The following RANBP2 variants were observed in gnomAD, a reference collection of about 807,000 sequenced individuals.
RANBP2 encodes RAN binding protein 2, also known as E3 SUMO-protein ligase RanBP2.
In RANBP2, 57 loss-of-function variants were observed where a neutral mutation model predicts 303.6. That is an observed-to-expected ratio of 0.19 (90% CI 0.15 to 0.23). The LOEUF is 0.23. Among genes scored for constraint, RANBP2 ranks in the 10% least tolerant of loss-of-function variants. The pLI, the probability that RANBP2 is intolerant of heterozygous loss-of-function variation, is 1.00. For missense variants in RANBP2, 3,138 were observed against 3,780.8 expected (o/e 0.83, Z 4.46); for synonymous variants, 1,167 against 1,301.5 (o/e 0.90, Z 2.23).
chr2:109,076,618 AAAAGG>A, the RANBP2 span, among the ~76,000 whole-genome samples: 1 of 150,518 alleles, frequency 6.6e-6, no homozygotes, highest in Non-Finnish European at 1.5e-5. Flanking sequence ...GAAATATCTA[AAAAGG>A]AAATCAAGGA....
At chr2:108,796,295 C>T in the RANBP2 span, among the ~76,000 whole-genome samples, 1 of 151,758 alleles carries the variant, frequency 6.6e-6, no homozygotes, top group South Asian at 2.1e-4. Context: ...ACCTCGTGAT[C>T]CGCCCGCCTC....
At chr2:108,847,390 CTGTA>C in the RANBP2 span, among the ~76,000 whole-genome samples, 1 of 152,206 alleles carries the variant, frequency 6.6e-6, no homozygotes, top group African/African-American at 2.4e-5. Context: ...GCAGCAGAGA[CTGTA>C]TGGCCCCCCA....
the RANBP2 span, among the ~76,000 whole-genome samples, chr2:109,540,751 T>C: frequency 5.8e-5 from 8 of 137,684 alleles, no homozygotes; most frequent in Admixed American, 3.3e-4. Context: ...CAGTGAGCTA[T>C]AACTGTGCCA....
the RANBP2 span, among the ~76,000 whole-genome samples, chr2:109,084,446 G>T: frequency 0.2 from 30,882 of 152,218 alleles, 3,930 homozygotes; most frequent in Middle Eastern, 0.3. Flanking sequence ...AGCACTGGAT[G>T]ATACTGGAGT....
At chr2:109,472,593 T>A in the RANBP2 span, among the ~76,000 whole-genome samples, 7 of 152,158 alleles carry the variant, frequency 4.6e-5, no homozygotes, top group Non-Finnish European at 1.0e-4. Context: ...ATGAAGTGAT[T>A]TCCATCCATC....
the RANBP2 span, among the ~76,000 whole-genome samples, chr2:109,458,635 A>C: frequency 1.7e-4 from 22 of 128,106 alleles, no homozygotes; most frequent in East Asian, 4.7e-3. Context: ...GTGACTGTGG[A>C]GGCTGGCAAG....
At chr2:109,402,538 T>G in the RANBP2 span, among the ~76,000 whole-genome samples, 1 of 152,198 alleles carries the variant, frequency 6.6e-6, no homozygotes, top group African/African-American at 2.4e-5. Flanking sequence ...CCCAGGCTCC[T>G]CGGTGCCTAC....
chr2:109,513,756 C>T, the RANBP2 span, among the ~76,000 whole-genome samples: 4 of 152,180 alleles, frequency 2.6e-5, no homozygotes, highest in Admixed American at 2.0e-4. Flanking sequence ...TCTGTGCTGC[C>T]TCACCTCCCC....
the RANBP2 span, among the ~76,000 whole-genome samples, chr2:109,356,427 C>T: frequency 6.6e-6 from 1 of 152,206 alleles, no homozygotes; most frequent in Non-Finnish European, 1.5e-5. Flanking sequence ...GTCCACTGCT[C>T]ATTCACTAAT....
intron 1 of RANBP2, among the ~76,000 whole-genome samples, chr2:108,720,655 A>G (rs1244595776): frequency 2.6e-5 from 4 of 152,342 alleles, no homozygotes; most frequent in Admixed American, 1.3e-4. Context: ...TTGTAACATT[A>G]ATAGAATTTG....
At chr2:108,744,703 CAT>C (rs1239082645) in intron 7 of RANBP2, among the ~76,000 whole-genome samples, 1 of 152,116 alleles carries the variant, frequency 6.6e-6, no homozygotes, top group Non-Finnish European at 1.5e-5. Flanking sequence ...GTTCATAAAT[CAT>C]ATATTTTGAA....
At chr2:108,726,438 GTT>G (rs1302706279) in intron 1 of RANBP2, among the ~76,000 whole-genome samples, 15 of 124,206 alleles carry the variant, frequency 1.2e-4, no homozygotes, top group Non-Finnish European at 1.0e-4. Flanking sequence ...GAGTTTTTTT[GTT>G]TTTTTTTTTT....
chr2:109,591,789 T>C, the RANBP2 span, among the ~76,000 whole-genome samples: 13 of 151,980 alleles, frequency 8.6e-5, no homozygotes, highest in Non-Finnish European at 1.3e-4. Flanking sequence ...TCATAGCTAT[T>C]TGGGGGGCTG....
At chr2:109,219,564 T>C in the RANBP2 span, among the ~76,000 whole-genome samples, 7 of 152,186 alleles carry the variant, frequency 4.6e-5, no homozygotes, top group Admixed American at 2.0e-4. Context: ...TCTAAGGAGT[T>C]CTCAGAGTTT....
At chr2:108,883,845 C>T in the RANBP2 span, 4 of 152,248 alleles carry the variant, frequency 2.6e-5, no homozygotes, top group Admixed American at 1.3e-4. Flanking sequence ...AAATTACGCA[C>T]CTTGAGGGTG....
At chr2:108,808,953 T>C in the RANBP2 span, among the ~76,000 whole-genome samples, 1 of 152,228 alleles carries the variant, frequency 6.6e-6, no homozygotes, top group Non-Finnish European at 1.5e-5. Context: ...GTTTTGGGTC[T>C]TATATTTCAA....
chr2:109,030,854 C>T, the RANBP2 span, among the ~76,000 whole-genome samples: 24,044 of 152,146 alleles, frequency 0.16, 2,031 homozygotes, highest in African/African-American at 0.19. Context: ...TCCAGAGTAG[C>T]TGGGACCACA....
chr2:109,562,058 C>A, the RANBP2 span, among the ~76,000 whole-genome samples: 12 of 151,750 alleles, frequency 7.9e-5, no homozygotes, highest in African/African-American at 2.4e-4. Flanking sequence ...TACAAAAACA[C>A]AAAAATTAGC....
the RANBP2 span, among the ~76,000 whole-genome samples, chr2:109,107,108 T>C: frequency 6.6e-6 from 1 of 151,842 alleles, no homozygotes; most frequent in South Asian, 2.1e-4. Context: ...CGGCTAGTTT[T>C]TGTATTTTTT....
Sources: gnomAD v4.1 joint callset for allele counts (sites outside exome capture counted in the v4.1 genomes callset) on GRCh38, gnomAD v4.1.1 for gene constraint, MANE v1.5 for transcripts, NCBI Gene and HGNC (gene_info 2026-07-23, HGNC 2026-07-21) for gene names.